ASH1L: variants seen among roughly 807,000 people sequenced by gnomAD.
ASH1L encodes ASH1 like histone lysine methyltransferase.
ASH1L carries 23 observed loss-of-function variants against 269.0 expected under a neutral mutation model. The observed-to-expected ratio is 0.09, with a 90% CI of 0.06 to 0.12. The LOEUF is 0.12. ASH1L is among the 10% of genes least tolerant of loss of function. The pLI is 1.00. For missense variants in ASH1L, 2,912 were observed against 3,567.8 expected (o/e 0.82, Z 4.68); for synonymous variants, 1,187 against 1,253.5 (o/e 0.95, Z 1.12).
chr1:155,402,906 G>A (rs1045450982), intron 6 of ASH1L, among the ~76,000 whole-genome samples: 1 of 149,462 alleles, frequency 6.7e-6, no homozygotes, highest in African/African-American at 2.5e-5. Flanking sequence ...ATTGAAGGCC[G>A]GGTATGGTTG....
chr1:155,411,529 CAG>C (rs1659758034), intron 6 of ASH1L, among the ~76,000 whole-genome samples: 1 of 136,152 alleles, frequency 7.3e-6, no homozygotes. Context: ...AAGTAAAAAA[CAG>C]AAGTGTGGTC....
At chr1:155,493,257 T>C (rs951965003) in intron 2 of ASH1L, among the ~76,000 whole-genome samples, 2 of 152,340 alleles carry the variant, frequency 1.3e-5, no homozygotes, top group South Asian at 2.1e-4. Context: ...ACTTGAGATA[T>C]GATTGAAGTT....
intron 4 of ASH1L, among the ~76,000 whole-genome samples, chr1:155,442,324 A>G (rs986816070): frequency 6.6e-6 from 1 of 151,738 alleles, no homozygotes; most frequent in Non-Finnish European, 1.5e-5. Flanking sequence ...AAGGTGGCTT[A>G]CGCCTGTAAT....
At chr1:155,371,694 C>CTTT (rs1269263101) in intron 10 of ASH1L, among the ~76,000 whole-genome samples, 1 of 137,428 alleles carries the variant, frequency 7.3e-6, no homozygotes, top group African/African-American at 2.7e-5. Flanking sequence ...ACCTAATTTA[C>CTTT]TTTTTTTTTT....
intron 4 of ASH1L, among the ~76,000 whole-genome samples, chr1:155,452,230 G>A (rs977913985): frequency 6.6e-6 from 1 of 151,658 alleles, no homozygotes; most frequent in Admixed American, 6.6e-5. Flanking sequence ...GTAGAGACGG[G>A]GTTTTGCCAT....
chr1:155,402,343 A>T (rs1658927548), intron 6 of ASH1L, among the ~76,000 whole-genome samples: 1 of 152,156 alleles, frequency 6.6e-6, no homozygotes, highest in African/African-American at 2.4e-5. Flanking sequence ...ACCTTGCTCC[A>T]ATCCAGACCA....
At chr1:155,463,706 G>A (rs1418736844) in intron 3 of ASH1L, among the ~76,000 whole-genome samples, 1 of 152,052 alleles carries the variant, frequency 6.6e-6, no homozygotes, top group African/African-American at 2.4e-5. Flanking sequence ...GAAGTGGGAA[G>A]ATCGCTTGAG....
chr1:155,370,659 A>G lies in ASH1L; in HGVS notation c.6540-9T>C, dbSNP rs377046517. ...GCTCAATCATCCTGTTCCTAAAGAG[A>G]AGATAAATGATTGAAAGACAATTAA... On this transcript the variant is annotated splice_polypyrimidine_tract_variant and intron_variant, in intron 11 of 27. Transcript: ENST00000392403. 22 of 1,613,678 alleles carry G rather than the reference A, an allele frequency of 1.4e-5. No individual in the cohort carries two copies. In the Admixed American group the frequency reaches 1.8e-4, roughly 13 times the overall value.
chr1:155,540,048 A>G (rs1670322250), intron 1 of ASH1L, among the ~76,000 whole-genome samples: 1 of 151,940 alleles, frequency 6.6e-6, no homozygotes, highest in African/African-American at 2.4e-5. Context: ...AGCCTGGGTG[A>G]CAGAGCAAGA....
chr1:155,475,033 T>C (rs1158203320), intron 3 of ASH1L, among the ~76,000 whole-genome samples: 1 of 152,212 alleles, frequency 6.6e-6, no homozygotes, highest in Non-Finnish European at 1.5e-5. Flanking sequence ...TTTGCCACAT[T>C]TCTCACTACT....
At chr1:155,411,542 TTATGA>T (rs979717212) in intron 6 of ASH1L, among the ~76,000 whole-genome samples, 4 of 139,030 alleles carry the variant, frequency 2.9e-5, no homozygotes, top group South Asian at 2.4e-4. Flanking sequence ...AAGTGTGGTC[TTATGA>T]TATATATAAA....
intron 5 of ASH1L, among the ~76,000 whole-genome samples, chr1:155,425,589 C>T (rs1438593163): frequency 6.6e-6 from 1 of 151,712 alleles, no homozygotes; most frequent in Non-Finnish European, 1.5e-5. Context: ...CAGGCATGTG[C>T]CACCATGCTT....
At chr1:155,429,600 C>T (rs1331946935) in intron 5 of ASH1L, among the ~76,000 whole-genome samples, 1 of 152,074 alleles carries the variant, frequency 6.6e-6, no homozygotes, top group Non-Finnish European at 1.5e-5. Flanking sequence ...GAAGAATAAG[C>T]TGTATTGTTT....
At position 155,482,370 on chromosome 1, in the gene ASH1L, G is replaced by A. The variant is rs752963116; in HGVS notation, c.500C>T (p.Ser167Leu). ...CQSEEVIRLH[S>L]QGENNPLSKK... ...AGACAAAGGATTGTTTTCTCCCTGT[G>A]AATGAAGACGGATGACTTCTTCAGA... The change falls in exon 3 of 28, where the codon TCA becomes TTA. Residue 167 changes from serine to leucine, a missense_variant. Physicochemically the swap from Ser to Leu is moderately radical, Grantham distance 145. This residue lies in a region of ASH1L where 277 missense variants were observed against 367.7 expected (regional missense o/e 0.75). Transcript: ENST00000392403. 1.2e-6 allele frequency: 2 copies of A among 1,614,134 alleles called. No homozygotes were observed. The highest frequency in any genetic ancestry group is 3.3e-5 in the Admixed American group (2 of 60,016).
chr1:155,455,382 T>C (rs1663800501), intron 4 of ASH1L, among the ~76,000 whole-genome samples: 1 of 152,240 alleles, frequency 6.6e-6, no homozygotes, highest in African/African-American at 2.4e-5. Context: ...TAAAATCATA[T>C]ACTGTTAGTA....
At chr1:155,386,784 T>A (rs111764429) in intron 7 of ASH1L, among the ~76,000 whole-genome samples, 1,545 of 152,194 alleles carry the variant, frequency 0.01, 37 homozygotes, top group African/African-American at 0.036. Context: ...GTTTGCAAAA[T>A]TTTTCTCCCA....
rs1266327785 is a variant in ASH1L at position 155,521,520 on chromosome 1, C to G, written c.-1G>C. Reference sequence around the variant, plus strand: ...ACATAGCAGTATTTCTAGGGTCCATCACAAGCGTATGTTATTGCCAAGGAA... The same window carrying G: ...ACATAGCAGTATTTCTAGGGTCCATGACAAGCGTATGTTATTGCCAAGGAA... On this transcript the variant is annotated 5_prime_UTR_variant, in exon 2 of 28. Transcript: ENST00000392403. 6.2e-7 allele frequency: 1 copy of G among 1,603,222 alleles called. No individual in the cohort carries two copies. Among genetic ancestry groups the G allele is most frequent in the Admixed American group, 1.7e-5 (1 of 57,982 alleles).
chr1:155,540,275 C>T (rs1170287699), intron 1 of ASH1L, among the ~76,000 whole-genome samples: 1 of 152,156 alleles, frequency 6.6e-6, no homozygotes, highest in Non-Finnish European at 1.5e-5. Context: ...GTGCAAAGTA[C>T]TCACGGCCTC....
At chr1:155,443,033 G>A (rs1488483051) in intron 4 of ASH1L, among the ~76,000 whole-genome samples, 1 of 152,180 alleles carries the variant, frequency 6.6e-6, no homozygotes, top group Admixed American at 6.5e-5. Flanking sequence ...TTTAATGTAT[G>A]TAATTCTCAA....
Sources: allele counts gnomAD v4.1 joint callset (sites outside exome capture counted in the v4.1 genomes callset), GRCh38; gene constraint gnomAD v4.1.1; regional missense constraint gnomAD v4.1.1; transcripts MANE v1.5; gene names NCBI Gene and HGNC (gene_info 2026-07-23, HGNC 2026-07-21).